The following ATXN10 variants were observed in gnomAD, a reference collection of about 807,000 sequenced individuals.
ATXN10 encodes the protein ataxin-10.
In ATXN10, 28 loss-of-function variants were observed where a neutral mutation model predicts 52.9. That is an observed-to-expected ratio of 0.53 (90% CI 0.39 to 0.73). The LOEUF (loss-of-function observed/expected upper bound fraction) is 0.73. Ranked by LOEUF, ATXN10 falls within the 30% of genes least tolerant of loss-of-function variation. ATXN10 has a pLI of 0.00. For missense variants in ATXN10, 565 were observed against 577.0 expected, an observed-to-expected ratio of 0.98 and a Z score of 0.21; for synonymous variants, 226 against 221.5, an observed-to-expected ratio of 1.02 and a Z score of -0.18.
Position 45,793,370 on chromosome 22 carries a change from T to G in ATXN10, c.1174-13589T>G, listed in dbSNP as rs148535903. 1,261 of 250,566 alleles carry G rather than the reference T, an allele frequency of 5.0e-3. 21 individuals carry two copies. Among genetic ancestry groups the G allele is most frequent in the African/African-American group, 0.026 (1,182 of 44,758 alleles). The allele number at this position is 250,566 out of a possible 1,614,324, so 15.5% of individuals were successfully genotyped here. A position where few individuals can be genotyped will look rare whatever the true frequency, so the allele number is the denominator to read the frequency against. On this transcript the variant is annotated intron_variant, in intron 9 of 11. Coordinates refer to ENST00000252934, the MANE Select transcript of ATXN10 (RefSeq NM_013236.4). ...AAGCCTGGCAGTAATTGTTCTGTGC[T>G]TTTCTGCTGTCCATCATCCAAATAC...
intron 4 of ATXN10, 49 bp from the exon 5 acceptor site, chr22:45,702,640 T>G (rs1475700780): frequency 1.2e-5 from 19 of 1,596,000 alleles, no homozygotes; most frequent in Non-Finnish European, 1.6e-5. Context: ...TTTTTGTGTT[T>G]TATCATGTTA....
chr22:45,682,308 T>C (rs1922956347), intron 1 of ATXN10, among the ~76,000 whole-genome samples: 1 of 152,000 alleles, frequency 6.6e-6, no homozygotes, highest in African/African-American at 2.4e-5. Flanking sequence ...CATTTTTCTT[T>C]AGCTGGACTT....
rs780077594 is a variant in ATXN10, at chr22:45,759,802, G to A, written c.1173+19264G>A. 6.6e-6 allele frequency among the ~76,000 whole-genome samples: 1 copy of A among 152,128 alleles called. No individual in the cohort carries two copies. The highest frequency in any genetic ancestry group is 1.5e-5 in the Non-Finnish European group (1 of 68,026). On this transcript the variant is annotated intron_variant, in intron 9 of 11. Transcript: ENST00000252934. The surrounding 1 kb of genome is among the most constrained non-coding windows in gnomAD (Gnocchi z 5.4). The stretch of plus-strand genomic sequence containing the variant: ...CATATAACAGTCAGCACTGTCCATC[G>A]CTTGCTTCTCTCTCTTTCTAATTTA...
Position 45,840,874 on chromosome 22 carries a change from C to A in ATXN10, c.1238-2117C>A, listed in dbSNP as rs1929325470. On this transcript the variant is annotated intron_variant, in intron 10 of 11. Coordinates refer to ENST00000252934, the MANE Select transcript of ATXN10 (RefSeq NM_013236.4). This position sits in a 1 kb window ranked among gnomAD's most constrained non-coding sequence, Gnocchi z 5.8. ...ACCATTAGAGAGTTATACTCATGAA[C>A]AAAAATTCCCCAGTCTTACATTTCT... 6.6e-6 allele frequency among the ~76,000 whole-genome samples: 1 copy of A among 152,190 alleles called. No individual in the cohort carries two copies. Among genetic ancestry groups the A allele is most frequent in the African/African-American group, 2.4e-5 (1 of 41,442 alleles).
chr22:45,734,047 T>G (rs1293781339), intron 7 of ATXN10, among the ~76,000 whole-genome samples: 1 of 152,144 alleles, frequency 6.6e-6, no homozygotes, highest in Non-Finnish European at 1.5e-5. Context: ...ATTTGTTCCC[T>G]ATAGACTTTC....
chr22:45,729,629 A>G (rs369463744), intron 7 of ATXN10, 39 bp downstream of exon 7: 7 of 1,608,570 alleles, frequency 4.4e-6, no homozygotes, highest in Non-Finnish European at 6.0e-6. Flanking sequence ...GTAAAAGAGA[A>G]TGGACAGATT....
chr22:45,739,527 A>G (rs1351321050), intron 8 of ATXN10, among the ~76,000 whole-genome samples: 2 of 152,208 alleles, frequency 1.3e-5, no homozygotes, highest in Non-Finnish European at 2.9e-5. Context: ...GATCCTTAGA[A>G]TTCCTCATCA....
chr22:45,813,487 G>T (rs190832164), intron 10 of ATXN10, among the ~76,000 whole-genome samples: 330 of 124,430 alleles, frequency 2.7e-3, no homozygotes, highest in Middle Eastern at 4.4e-3. Flanking sequence ...CACCTAATTT[G>T]TAAGAAAACA....
chr22:45,716,479 G>T (rs1924451274), intron 5 of ATXN10, among the ~76,000 whole-genome samples: 1 of 151,978 alleles, frequency 6.6e-6, no homozygotes. Flanking sequence ...GGGATTACAG[G>T]CATGCACCAC....
chr22:45,684,137 G>T lies in ATXN10; in HGVS notation c.117-5575G>T, dbSNP rs897372777. ...CCAGCTAATTAAAACAAGTTTTTTT[G>T]TTTTTTTTTTTTTTGTAGAGATAGG... On this transcript the variant is annotated intron_variant, in intron 1 of 11. Transcript: ENST00000252934. This position sits in a 1 kb window ranked among gnomAD's most constrained non-coding sequence, Gnocchi z 4.1. Among the ~76,000 whole-genome samples the T allele has an allele frequency of 6.6e-5, 9 of 137,350 alleles. No individual in the cohort carries two copies. Among genetic ancestry groups the T allele is most frequent in the Middle Eastern group, 3.7e-3 (1 of 268 alleles). The allele number at this position is 137,350 out of a possible 152,430, so 90.1% of individuals were successfully genotyped here.
chr22:45,776,536 C>G (rs1241531872), intron 9 of ATXN10, among the ~76,000 whole-genome samples: 1 of 151,730 alleles, frequency 6.6e-6, no homozygotes, highest in Non-Finnish European at 1.5e-5. Flanking sequence ...AAGTTGGAAC[C>G]CTGCTTTAAG....
At position 45,690,373 on chromosome 22, in the gene ATXN10, GGCCTT is replaced by G. The variant is rs1923324151; in HGVS notation, c.308+474_308+478del. 6.6e-6 allele frequency among the ~76,000 whole-genome samples: 1 copy of G among 152,118 alleles called. No individual in the cohort carries two copies. Among genetic ancestry groups the G allele is most frequent in the South Asian group, 2.1e-4 (1 of 4,822 alleles). On this transcript the variant is annotated intron_variant, in intron 2 of 11. Coordinates refer to ENST00000252934, the MANE Select transcript of ATXN10 (RefSeq NM_013236.4). The surrounding 1 kb of genome is among the most constrained non-coding windows in gnomAD (Gnocchi z 4.5). The stretch of plus-strand genomic sequence containing the variant: ...CATCTGCTGGGAGAGGCCCTCTACA[GGCCTT>G]GCCATTGGAGTCTCTCTGACTAGTG...
intron 4 of ATXN10, 26 bp from the exon 5 acceptor site, chr22:45,702,663 A>C: frequency 6.2e-7 from 1 of 1,613,208 alleles, no homozygotes; most frequent in Non-Finnish European, 8.5e-7. Flanking sequence ...AAATTGGGCT[A>C]ACAATCTCAT....
At chr22:45,827,684 GTTGGAAACTTCAT>G (rs1232582254) in intron 10 of ATXN10, among the ~76,000 whole-genome samples, 1 of 152,144 alleles carries the variant, frequency 6.6e-6, no homozygotes. Context: ...TACAGTAATA[GTTGGAAACTTCAT>G]TACCCTACTC....
chr22:45,736,321 C>G (rs79173729), intron 7 of ATXN10, among the ~76,000 whole-genome samples: 2 of 152,200 alleles, frequency 1.3e-5, no homozygotes, highest in African/African-American at 4.8e-5. Flanking sequence ...ATCAGTTACT[C>G]TAAAAGATAA....
At position 45,728,055 on chromosome 22, in the gene ATXN10, A is replaced by G. The variant is rs1924948472; in HGVS notation, c.729-1370A>G. Among the ~76,000 whole-genome samples, 1 of 151,658 alleles carries G rather than the reference A, an allele frequency of 6.6e-6. No homozygotes were observed. The highest frequency in any genetic ancestry group is 2.4e-5 in the African/African-American group (1 of 41,270). ...TTTTTAATCCATTCTGCCAATCTGT[A>G]TCTTTTAAGTGGAGCATTTAGATGA... is the stretch of plus-strand genomic sequence containing the variant. On this transcript the variant is annotated intron_variant, in intron 6 of 11. Transcript: ENST00000252934. This position sits in a 1 kb window ranked among gnomAD's most constrained non-coding sequence, Gnocchi z 4.3.
chr22:45,731,391 G>A (rs1213808597), intron 7 of ATXN10, among the ~76,000 whole-genome samples: 1 of 152,252 alleles, frequency 6.6e-6, no homozygotes, highest in Non-Finnish European at 1.5e-5. Context: ...ATAGTAGAAT[G>A]TGGCACTTAG....
At chr22:45,745,822 C>G (rs1219651846) in intron 9 of ATXN10, among the ~76,000 whole-genome samples, 1 of 152,052 alleles carries the variant, frequency 6.6e-6, no homozygotes, top group Non-Finnish European at 1.5e-5. Flanking sequence ...ATCAAGTGCA[C>G]TTTTAGGTTC....
chr22:45,764,173 T>A (rs527544572), intron 9 of ATXN10, among the ~76,000 whole-genome samples: 1 of 152,180 alleles, frequency 6.6e-6, no homozygotes, highest in East Asian at 1.9e-4. Context: ...AGGAATCATC[T>A]TCTCCCTCCC....
Sources: allele counts gnomAD v4.1 joint callset (sites outside exome capture counted in the v4.1 genomes callset), GRCh38; gene constraint gnomAD v4.1.1; non-coding constraint Gnocchi (gnomAD v3.1); transcripts MANE v1.5; gene names NCBI Gene and HGNC (gene_info 2026-07-23, HGNC 2026-07-21).